LAMA2: variants seen among roughly 807,000 people sequenced by gnomAD.
LAMA2 encodes the protein laminin subunit alpha-2.
In LAMA2, 269 loss-of-function variants were observed where a neutral mutation model predicts 364.8. The observed-to-expected ratio is 0.74, with a 90% confidence interval of 0.67 to 0.82. The LOEUF (loss-of-function observed/expected upper bound fraction) is 0.82, where lower values mean the gene tolerates loss of function less well. Among genes scored for constraint, LAMA2 ranks in the 40% least tolerant of loss-of-function variants. The pLI is 0.00. For synonymous variants in LAMA2, 1,379 were observed against 1,370.6 expected (o/e 1.01, Z -0.14); for missense variants, 3,807 against 3,873.2 (o/e 0.98, Z 0.45).
chr6:129,365,399 G>T (rs543579788), intron 32 of LAMA2, among the ~76,000 whole-genome samples: 1 of 152,266 alleles, frequency 6.6e-6, no homozygotes, highest in African/African-American at 2.4e-5. Context: ...GTCTCAGTCT[G>T]TCGCCCAGGC....
At chr6:129,102,850 T>G (rs1253208232) in intron 4 of LAMA2, among the ~76,000 whole-genome samples, 2 of 152,244 alleles carry the variant, frequency 1.3e-5, no homozygotes, top group African/African-American at 2.4e-5. Context: ...TTCTGGGACA[T>G]TCAGATGATT....
At chr6:129,132,579 AG>A (rs1407312069) in intron 4 of LAMA2, among the ~76,000 whole-genome samples, 1 of 152,198 alleles carries the variant, frequency 6.6e-6, no homozygotes, top group Admixed American at 6.5e-5. Context: ...CAGTGACCTT[AG>A]CATTTCCAGA....
At chr6:129,432,298 GAA>G (rs1265374093) in intron 41 of LAMA2, among the ~76,000 whole-genome samples, 1 of 152,146 alleles carries the variant, frequency 6.6e-6, no homozygotes, top group Non-Finnish European at 1.5e-5. Context: ...TTCCATTAGA[GAA>G]AAAACAATAA....
chr6:129,158,853 C>T, intron 8 of LAMA2: 1 of 1,613,934 alleles, frequency 6.2e-7, no homozygotes, highest in Non-Finnish European at 8.5e-7. Context: ...TCTCCCTGGT[C>T]ATCTTCTTCT....
intron 63 of LAMA2, among the ~76,000 whole-genome samples, chr6:129,513,652 A>G (rs1167597048): frequency 6.6e-6 from 1 of 152,102 alleles, no homozygotes; most frequent in African/African-American, 2.4e-5. Flanking sequence ...TTAGTGTTTC[A>G]ATATGTTTCG....
intron 9 of LAMA2, among the ~76,000 whole-genome samples, chr6:129,171,300 C>T (rs1780135679): frequency 6.6e-6 from 1 of 152,210 alleles, no homozygotes; most frequent in South Asian, 2.1e-4. Context: ...CATGCTTTTG[C>T]AGTGGCTGGT....
chr6:129,296,329 A>T (rs901894760), intron 20 of LAMA2, among the ~76,000 whole-genome samples: 4 of 151,970 alleles, frequency 2.6e-5, no homozygotes, highest in Non-Finnish European at 5.9e-5. Context: ...TTATATGGTT[A>T]GTTTTTTTTA....
chr6:128,981,227 C>T (rs1782843915), intron 1 of LAMA2, among the ~76,000 whole-genome samples: 1 of 152,136 alleles, frequency 6.6e-6, no homozygotes, highest in Admixed American at 6.6e-5. Context: ...TCTCGACTAT[C>T]CTATTTTAAG....
intron 12 of LAMA2, among the ~76,000 whole-genome samples, chr6:129,207,789 A>G (rs190161080): frequency 0.16 from 20,213 of 124,238 alleles, 1,349 homozygotes; most frequent in African/African-American, 0.22. Flanking sequence ...TACCCCTGAG[A>G]AAAAAAAAAA....
chr6:129,438,747 T>C lies in LAMA2; in HGVS notation c.6070T>C (p.Ser2024Pro). 1.3e-6 allele frequency: 2 copies of C among 1,559,498 alleles called. No individual in the cohort carries two copies. Among genetic ancestry groups the C allele is most frequent in the Non-Finnish European group, 1.8e-6 (2 of 1,130,564 alleles). The part of the protein sequence containing the change: ...RTLNDTLGKL[S>P]AIPNDTAAKL... ...TTTGAATGACACTTTGGGAAAGTTA[T>C]CAGCTATTCCAAATGGTAAGCATTC... Residue 2024 changes from serine (S) to proline (P), a missense_variant, in exon 42 of 65, where the codon TCA becomes CCA. Transcript: ENST00000421865.
rs182073122 is a variant in LAMA2, at chr6:129,425,968, A to G, written c.5866-1784A>G. ...AATGCTTGTCAGATTACATTCTTAC[A>G]AAAAGGTATTCACACTCCAAGGCAC... On this transcript the variant is annotated intron_variant, in intron 40 of 64. Coordinates refer to ENST00000421865, the MANE Select transcript of LAMA2 (RefSeq NM_000426.4). Among the ~76,000 whole-genome samples the G allele has an allele frequency of 1.3e-4, 20 of 151,906 alleles. No individual in the cohort carries two copies. In the East Asian group the frequency reaches 2.7e-3, roughly 21 times the overall value.
Position 129,291,607 on chromosome 6 carries a change from T to G in LAMA2, c.2750-7T>G. The G allele has an allele frequency of 6.2e-7, 1 of 1,610,056 alleles. No individual in the cohort carries two copies. Among genetic ancestry groups the G allele is most frequent in the Non-Finnish European group, 8.5e-7 (1 of 1,176,332 alleles). On this transcript the variant is annotated splice_polypyrimidine_tract_variant and splice_region_variant and intron_variant, in intron 19 of 64. Transcript: ENST00000421865. ...TTCCTGATCACAGGTCTCTCTTCTC[T>G]TTGCAGCCTGTCGCTGTAATGCCGG...
intron 41 of LAMA2, among the ~76,000 whole-genome samples, chr6:129,428,855 C>T (rs1443907213): frequency 6.6e-6 from 1 of 152,152 alleles, no homozygotes; most frequent in African/African-American, 2.4e-5. Flanking sequence ...AACATGGCTG[C>T]TCTCTATATG....
intron 9 of LAMA2, among the ~76,000 whole-genome samples, chr6:129,167,405 T>A (rs960538710): frequency 4.0e-5 from 6 of 149,980 alleles, no homozygotes; most frequent in African/African-American, 1.5e-4. Context: ...AGTGAGAATA[T>A]GTGGTGTTTG....
intron 1 of LAMA2, among the ~76,000 whole-genome samples, chr6:128,950,907 T>G (rs758884129): frequency 2.6e-5 from 4 of 152,118 alleles, no homozygotes; most frequent in Non-Finnish European, 5.9e-5. Flanking sequence ...TGAATCAACA[T>G]TAACTATTAT....
At chr6:128,942,084 A>T (rs983852472) in intron 1 of LAMA2, among the ~76,000 whole-genome samples, 1 of 152,172 alleles carries the variant, frequency 6.6e-6, no homozygotes, top group Non-Finnish European at 1.5e-5. Flanking sequence ...AAACTAAACA[A>T]CGGAAGCACA....
intron 1 of LAMA2, among the ~76,000 whole-genome samples, chr6:129,026,483 A>G (rs1346893106): frequency 1.3e-5 from 2 of 152,186 alleles, no homozygotes; most frequent in Non-Finnish European, 2.9e-5. Context: ...AGAATAAAGC[A>G]GTTTACAAAC....
chr6:129,184,374 C>G (rs1481785501), intron 10 of LAMA2, among the ~76,000 whole-genome samples: 1 of 151,834 alleles, frequency 6.6e-6, no homozygotes, highest in Non-Finnish European at 1.5e-5. Context: ...CCCTACAGTT[C>G]AAATAATATT....
intron 2 of LAMA2, among the ~76,000 whole-genome samples, chr6:129,052,728 T>A (rs1221979898): frequency 1.3e-5 from 2 of 152,146 alleles, no homozygotes; most frequent in African/African-American, 4.8e-5. Context: ...TATCTACCAT[T>A]AGAGTATCAC....
Sources: gnomAD v4.1 joint callset for allele counts (sites outside exome capture counted in the v4.1 genomes callset) on GRCh38, gnomAD v4.1.1 for gene constraint, MANE v1.5 for transcripts, NCBI Gene and HGNC (gene_info 2026-07-23, HGNC 2026-07-21) for gene names.